Variants in GRID2 observed in about 807,000 individuals in gnomAD.
The protein encoded by GRID2 is glutamate receptor ionotropic, delta-2.
In GRID2, 33 loss-of-function variants were observed where a neutral mutation model predicts 114.8. The observed-to-expected ratio is 0.29, with a 90% CI of 0.22 to 0.38. The LOEUF is 0.38. GRID2 is among the 10% of genes least tolerant of loss of function. The pLI, the probability that GRID2 is intolerant of heterozygous loss-of-function variation, is 1.00. For missense variants in GRID2, 1,184 were observed against 1,257.7 expected (o/e 0.94, Z 0.89); for synonymous variants, 505 against 449.9 (o/e 1.12, Z -1.55).
At chr4:93,199,561 G>A (rs1741861706) in intron 4 of GRID2, among the ~76,000 whole-genome samples, 1 of 152,198 alleles carries the variant, frequency 6.6e-6, no homozygotes. Context: ...ATGGCAAGAG[G>A]ATTTGGATGA....
intron 2 of GRID2, among the ~76,000 whole-genome samples, chr4:92,737,403 C>T (rs930239680): frequency 2.6e-5 from 4 of 152,036 alleles, no homozygotes; most frequent in Admixed American, 2.6e-4. Context: ...TTAAGCGGTT[C>T]CTAAGCTCAG....
chr4:93,242,614 G>A (rs1195360830), intron 8 of GRID2, among the ~76,000 whole-genome samples: 1 of 152,000 alleles, frequency 6.6e-6, no homozygotes, highest in Non-Finnish European at 1.5e-5. Flanking sequence ...GACAAAGTAT[G>A]GCTCGAGAGG....
chr4:92,784,419 C>T (rs1342648536), intron 2 of GRID2, among the ~76,000 whole-genome samples: 1 of 151,644 alleles, frequency 6.6e-6, no homozygotes, highest in Admixed American at 6.6e-5. Flanking sequence ...ATAAATTATA[C>T]AATTTGTGAA....
intron 1 of GRID2, among the ~76,000 whole-genome samples, chr4:92,388,294 G>A (rs972875721): frequency 1.3e-5 from 2 of 151,946 alleles, no homozygotes; most frequent in Non-Finnish European, 2.9e-5. Context: ...GGATTCTCTG[G>A]CTCAGCTATA....
rs116675339 is a variant in GRID2 at position 93,700,383 on chromosome 4, T to C, written c.2361-68827T>C. On this transcript the variant is annotated intron_variant, in intron 14 of 15. Transcript: ENST00000282020. ...GCAGCTTCAGTCTCACTGTGAAGGA[T>C]TCACTCTTGAACATTTCGATTGACT... Among the ~76,000 whole-genome samples the C allele has an allele frequency of 6.1e-3, 927 of 152,270 alleles. 12 individuals are homozygous for C. Among genetic ancestry groups the C allele is most frequent in the African/African-American group, 0.021 (883 of 41,560 alleles).
intron 1 of GRID2, among the ~76,000 whole-genome samples, chr4:92,482,928 A>G (rs556388215): frequency 1.3e-5 from 2 of 152,302 alleles, no homozygotes; most frequent in South Asian, 4.1e-4. Flanking sequence ...AACATCTGTG[A>G]ACTATAAATA....
chr4:93,297,306 T>C (rs1302948120), intron 8 of GRID2, among the ~76,000 whole-genome samples: 1 of 152,210 alleles, frequency 6.6e-6, no homozygotes, highest in African/African-American at 2.4e-5. Context: ...CGATAAGACC[T>C]TTTATGTTAT....
At chr4:93,562,932 G>T (rs769774401) in intron 13 of GRID2, among the ~76,000 whole-genome samples, 1 of 151,916 alleles carries the variant, frequency 6.6e-6, no homozygotes, top group Non-Finnish European at 1.5e-5. Context: ...CTAGATTGCT[G>T]TAGCTTTATG....
At chr4:93,621,005 C>G (rs1226398262) in intron 13 of GRID2, among the ~76,000 whole-genome samples, 2 of 152,116 alleles carry the variant, frequency 1.3e-5, no homozygotes, top group African/African-American at 4.8e-5. Flanking sequence ...CAATTTTGTA[C>G]TTGACTTATC....
At chr4:93,347,777 T>C (rs1413131658) in intron 8 of GRID2, among the ~76,000 whole-genome samples, 1 of 152,150 alleles carries the variant, frequency 6.6e-6, no homozygotes, top group Non-Finnish European at 1.5e-5. Context: ...GGTCATCAAG[T>C]TAGTAAAAGT....
chr4:92,432,889 C>A (rs1732533901), intron 1 of GRID2, among the ~76,000 whole-genome samples: 1 of 152,124 alleles, frequency 6.6e-6, no homozygotes, highest in South Asian at 2.1e-4. Context: ...AGGTCTCCCC[C>A]AAGGCCTGCA....
intron 2 of GRID2, among the ~76,000 whole-genome samples, chr4:92,936,696 T>A (rs1343925760): frequency 6.8e-6 from 1 of 146,258 alleles, no homozygotes; most frequent in Non-Finnish European, 1.5e-5. Flanking sequence ...TTGCTGTAAC[T>A]TCAATTAAGA....
chr4:93,342,898 A>G (rs2149248829), intron 8 of GRID2, among the ~76,000 whole-genome samples: 2 of 152,288 alleles, frequency 1.3e-5, no homozygotes, highest in East Asian at 3.9e-4. Flanking sequence ...GCATCAAGAA[A>G]AGGGTATAAT....
At chr4:92,801,401 C>CA (rs1422290658) in intron 2 of GRID2, among the ~76,000 whole-genome samples, 5 of 152,020 alleles carry the variant, frequency 3.3e-5, no homozygotes, top group African/African-American at 1.2e-4. Context: ...AACCTCTGAG[C>CA]AAAAACCCTT....
chr4:93,490,771 C>T lies in GRID2; in HGVS notation c.1991C>T (p.Ser664Phe), dbSNP rs374167901. 1 of 1,605,494 alleles carries T rather than the reference C, an allele frequency of 6.2e-7. No homozygotes were observed. The highest frequency in any genetic ancestry group is 1.3e-5 in the African/African-American group (1 of 74,530). ...CTCACTATTACACGCATTGAAAGTTCCATCCAGTAAGTAAACAATGTTTCC... is the reference window on the plus strand; with the variant it reads ...CTCACTATTACACGCATTGAAAGTTTCATCCAGTAAGTAAACAATGTTTCC... ...AFLTITRIESSIQSLQDLSKQ... is the reference protein window; with the variant it reads ...AFLTITRIESFIQSLQDLSKQ... Residue 664 changes from serine to phenylalanine, a missense_variant, in exon 12 of 16, where the codon TCC (serine) becomes TTC (phenylalanine). By Grantham distance (155) the Ser-to-Phe change is radical (BLOSUM62 -2). Coordinates refer to ENST00000282020, the MANE Select transcript of GRID2 (RefSeq NM_001510.4).
At chr4:92,396,873 T>C (rs1232092970) in intron 1 of GRID2, among the ~76,000 whole-genome samples, 1 of 152,068 alleles carries the variant, frequency 6.6e-6, no homozygotes, top group Non-Finnish European at 1.5e-5. Context: ...ACAATTTAAA[T>C]AAAATGATTT....
intron 1 of GRID2, among the ~76,000 whole-genome samples, chr4:92,536,577 A>G (rs1490763364): frequency 6.6e-6 from 1 of 152,220 alleles, no homozygotes; most frequent in African/African-American, 2.4e-5. Flanking sequence ...AACTTTAATA[A>G]GATTGTTATT....
At chr4:92,571,604 T>C (rs574076303) in intron 1 of GRID2, among the ~76,000 whole-genome samples, 76 of 152,202 alleles carry the variant, frequency 5.0e-4, no homozygotes, top group Non-Finnish European at 7.4e-4. Context: ...CACACCGCAC[T>C]TATTCCAAAA....
chr4:92,390,878 AT>A (rs1160685412), intron 1 of GRID2, among the ~76,000 whole-genome samples: 1 of 152,082 alleles, frequency 6.6e-6, no homozygotes, highest in African/African-American at 2.4e-5. Context: ...GATGTCAAGG[AT>A]TTATGTCTGC....
Sources: gnomAD v4.1 joint callset for allele counts (sites outside exome capture counted in the v4.1 genomes callset) on GRCh38, gnomAD v4.1.1 for gene constraint, MANE v1.5 for transcripts, NCBI Gene and HGNC (gene_info 2026-07-23, HGNC 2026-07-21) for gene names.